Variants in UBR4 observed in about 807,000 individuals in gnomAD.
The protein encoded by UBR4 is ubiquitin protein ligase E3 component n-recognin 4.
A neutral mutation model predicts 575.6 loss-of-function variants in UBR4; 124 were observed. That is an observed-to-expected ratio of 0.22 (90% confidence interval 0.19 to 0.25). UBR4 has a LOEUF of 0.25. UBR4 is among the 10% of genes least tolerant of loss of function. The pLI, the probability that UBR4 is intolerant of heterozygous loss-of-function variation, is 1.00. For missense variants in UBR4, 4,818 were observed against 6,478.8 expected (o/e 0.74, Z 8.80); for synonymous variants, 2,455 against 2,473.7 (o/e 0.99, Z 0.22).
intron 53 of UBR4, among the ~76,000 whole-genome samples, chr1:19,145,207 G>A (rs980741158): frequency 2.0e-5 from 3 of 152,192 alleles, no homozygotes; most frequent in Non-Finnish European, 4.4e-5. Context: ...AATATGAAGA[G>A]GAAGGCAGAT....
Position 19,153,584 on chromosome 1 carries a change from C to A in UBR4, c.6631-82G>T. The A allele has an allele frequency of 6.4e-7, 1 of 1,561,316 alleles. No individual in the cohort carries two copies. The highest frequency in any genetic ancestry group is 8.8e-7 in the Non-Finnish European group (1 of 1,139,292). Reference sequence around the variant, plus strand: ...CACAGAAAAAGAGGCAGAGATGCAACTGGTTTCATGGTCAGTTGAGGGGCT... The same window carrying A: ...CACAGAAAAAGAGGCAGAGATGCAAATGGTTTCATGGTCAGTTGAGGGGCT... On this transcript the variant is annotated intron_variant, in intron 45 of 105. Transcript: ENST00000375254. The surrounding 1 kb of genome is among the most constrained non-coding windows in gnomAD (Gnocchi z 4.1).
intron 87 of UBR4, among the ~76,000 whole-genome samples, chr1:19,103,844 C>T (rs1057149999): frequency 6.6e-6 from 1 of 152,194 alleles, no homozygotes; most frequent in East Asian, 1.9e-4. Flanking sequence ...AATGAGAGAG[C>T]CTTTGACCTT....
Position 19,113,661 on chromosome 1 carries a change from G to A in UBR4, c.11457+38C>T, listed in dbSNP as rs140087809. 807 of 1,611,752 alleles carry A rather than the reference G, an allele frequency of 5.0e-4. 8 individuals are homozygous for A. The East Asian group carries it at 0.016, about 32-fold the overall frequency. On this transcript the variant is annotated intron_variant, in intron 77 of 105. Transcript: ENST00000375254. ...TGTGAAAACAACACCAGTAACACTT[G>A]GACAAAACACACCCAAAAGCTGCTC...
At chr1:19,126,836 T>C (rs1570804276) in intron 63 of UBR4, among the ~76,000 whole-genome samples, 181 bp from the exon 64 acceptor site, 1 of 152,346 alleles carries the variant, frequency 6.6e-6, no homozygotes, top group South Asian at 2.1e-4. Flanking sequence ...CAGAACTTTT[T>C]TGAACAACCA....
intron 51 of UBR4, 117 bp downstream of exon 51, chr1:19,147,876 A>C (rs1018571447): frequency 4.1e-6 from 6 of 1,460,428 alleles, no homozygotes; most frequent in Non-Finnish European, 5.5e-6. Flanking sequence ...TGTAGGTCTA[A>C]TCTGAATGCT....
intron 49 of UBR4, among the ~76,000 whole-genome samples, chr1:19,149,295 C>T (rs1338362223): frequency 1.3e-5 from 2 of 152,160 alleles, no homozygotes; most frequent in African/African-American, 4.8e-5. Flanking sequence ...AACATCCTGA[C>T]AGCTGAAGCT....
At position 19,153,691 on chromosome 1, in the gene UBR4, A is replaced by C. The variant is rs2086051138; in HGVS notation, c.6630+77T>G. 6.5e-7 allele frequency: 1 copy of C among 1,539,150 alleles called. No homozygotes were observed. Among genetic ancestry groups the C allele is most frequent in the African/African-American group, 1.4e-5 (1 of 72,118 alleles). On this transcript the variant is annotated intron_variant, in intron 45 of 105. Coordinates refer to ENST00000375254, the MANE Select transcript of UBR4 (RefSeq NM_020765.3). This position sits in a 1 kb window ranked among gnomAD's most constrained non-coding sequence, Gnocchi z 4.1. ...ATGGGCCTCCATTGAAAGAGCTGGG[A>C]AAGTGAAATGAATATACAAACATAA...
intron 104 of UBR4, 45 bp downstream of exon 104, chr1:19,077,931 T>G (rs2076119203): frequency 6.2e-7 from 1 of 1,612,726 alleles, no homozygotes; most frequent in Admixed American, 1.7e-5. Context: ...TGCAGACATT[T>G]TACACTCTTG....
At chr1:19,099,747 G>T in intron 89 of UBR4, 70 bp from the exon 90 acceptor site, 1 of 1,325,434 alleles carries the variant, frequency 7.5e-7, no homozygotes, top group Non-Finnish European at 1.1e-6. Flanking sequence ...AGAGCAAAGG[G>T]CACCTTACGG....
At chr1:19,166,993 G>A (rs1288164507) in intron 29 of UBR4, 29 bp downstream of exon 29, 10 of 1,612,878 alleles carry the variant, frequency 6.2e-6, no homozygotes, top group African/African-American at 2.7e-5. Context: ...TAGGTCATAG[G>A]AAACCTGACT....
Position 19,198,854 on chromosome 1 carries a change from A to G in UBR4, c.453T>C (p.Phe151=). ...SRLDRTEIIT[F]TAMMKSAKLP... is the part of the protein sequence containing the mutation. ...GCTTGGCGGATTTCATCATTGCTGTAAATGTGATAATTTCAGTTCTATCTA... is the reference window on the plus strand; with the variant it reads ...GCTTGGCGGATTTCATCATTGCTGTGAATGTGATAATTTCAGTTCTATCTA... Residue 151 remains phenylalanine (F), a synonymous_variant, in exon 4 of 106, where the codon TTT becomes TTC. Transcript: ENST00000375254. The G allele has an allele frequency of 6.2e-7, 1 of 1,614,262 alleles. No homozygotes were observed. Among genetic ancestry groups the G allele is most frequent in the Non-Finnish European group, 8.5e-7 (1 of 1,180,050 alleles).
chr1:19,196,199 T>A (rs752270474), intron 8 of UBR4, among the ~76,000 whole-genome samples: 1 of 152,218 alleles, frequency 6.6e-6, no homozygotes, highest in Non-Finnish European at 1.5e-5. Context: ...AAGTACTTTC[T>A]CATCTCTCAT....
rs148677223 is a variant in UBR4, at chr1:19,177,547, C to A, written c.2551G>T (p.Val851Leu). The change falls in exon 19 of 106, where the codon GTG becomes TTG. Residue 851 changes from valine to leucine, a missense_variant. By Grantham distance (32) the Val-to-Leu change is conservative (BLOSUM62 1). Around this residue, in one of 29 missense-constraint regions of UBR4, gnomAD observed 1,172 missense variants for 1,259.7 expected, o/e 0.93. Coordinates refer to ENST00000375254, the MANE Select transcript of UBR4 (RefSeq NM_020765.3). ...SVNMDAQMRF[V>L]PLILARLLLI... Reference sequence around the variant, plus strand: ...AGGAGGCGAGCCAAGATAAGCGGCACGAAGCGCATCTGAGCATCCATGTTG... The same window carrying A: ...AGGAGGCGAGCCAAGATAAGCGGCAAGAAGCGCATCTGAGCATCCATGTTG... The A allele has an allele frequency of 1.2e-6, 2 of 1,613,640 alleles. No individual in the cohort carries two copies. Among genetic ancestry groups the A allele is most frequent in the South Asian group, 1.1e-5 (1 of 91,052 alleles).
Position 19,093,914 on chromosome 1 carries a change from C to T in UBR4, c.13937+35G>A, listed in dbSNP as rs752809301. ...ACCTAGTTCGGCGTTTTAGTGGAGA[C>T]TCTCATTTCACTATATGAAATCAAA... On this transcript the variant is annotated intron_variant, in intron 95 of 105. Coordinates refer to ENST00000375254, the MANE Select transcript of UBR4 (RefSeq NM_020765.3). The surrounding 1 kb of genome is among the most constrained non-coding windows in gnomAD (Gnocchi z 4.8). 2.0e-5 allele frequency: 32 copies of T among 1,589,864 alleles called. No homozygotes were observed. Among genetic ancestry groups the T allele is most frequent in the Non-Finnish European group, 2.5e-5 (29 of 1,164,260 alleles).
intron 65 of UBR4, among the ~76,000 whole-genome samples, chr1:19,123,554 A>G (rs1176224359): frequency 1.3e-5 from 2 of 152,114 alleles, no homozygotes; most frequent in Admixed American, 6.5e-5. Flanking sequence ...TAATGAGACC[A>G]GGAGAAAGAA....
chr1:19,087,923 C>T lies in UBR4; in HGVS notation c.14437G>A (p.Glu4813Lys). The part of the protein sequence containing the change: ...ALGTLGMTTN[E>K]KGQVVTKTAL... ...GTCTTGGTCACGACCTGGCCCTTTTCATTTGTCTGTAGGGGAACCCCGGTG... is the reference window on the plus strand; with the variant it reads ...GTCTTGGTCACGACCTGGCCCTTTTTATTTGTCTGTAGGGGAACCCCGGTG... Residue 4813 changes from glutamate to lysine, a missense_variant, in exon 99 of 106, where the codon GAA (glutamate) becomes AAA (lysine). Physicochemically the swap from Glu to Lys is moderately conservative, Grantham distance 56. This residue lies in a region of UBR4 where 196 missense variants were observed against 386.8 expected (regional missense o/e 0.51). Coordinates refer to ENST00000375254, the MANE Select transcript of UBR4 (RefSeq NM_020765.3). 1 of 1,603,856 alleles carries T rather than the reference C, an allele frequency of 6.2e-7. No individual in the cohort carries two copies. Among genetic ancestry groups the T allele is most frequent in the Non-Finnish European group, 8.5e-7 (1 of 1,173,522 alleles).
At chr1:19,200,994 G>A (rs1159706686) in intron 2 of UBR4, among the ~76,000 whole-genome samples, 2 of 152,094 alleles carry the variant, frequency 1.3e-5, no homozygotes, top group Non-Finnish European at 2.9e-5. Flanking sequence ...ATATTAATTG[G>A]GCTTGGTGGC....
chr1:19,082,150 G>C (rs1395939633), intron 102 of UBR4: 1 of 251,402 alleles, frequency 4.0e-6, no homozygotes, highest in African/African-American at 2.2e-5. Flanking sequence ...GCCTTCGTTA[G>C]AACAGCCTCT....
chr1:19,169,383 G>A, intron 27 of UBR4, 52 bp downstream of exon 27: 1 of 1,501,318 alleles, frequency 6.7e-7, no homozygotes, highest in Non-Finnish European at 9.1e-7. Context: ...AAGAACAAAA[G>A]ACAGAATGGC....
Sources: gnomAD v4.1 joint callset for allele counts (sites outside exome capture counted in the v4.1 genomes callset) on GRCh38, gnomAD v4.1.1 for gene constraint, gnomAD v4.1.1 regional missense constraint, Gnocchi (gnomAD v3.1) non-coding constraint, MANE v1.5 for transcripts, NCBI Gene and HGNC (gene_info 2026-07-23, HGNC 2026-07-21) for gene names.